The following TGFA variants were observed in gnomAD, a reference collection of about 807,000 sequenced individuals.
TGFA encodes the protein transforming growth factor alpha.
Under a neutral mutation model 21.7 loss-of-function variants are expected in TGFA, and 12 were observed. That is an observed-to-expected ratio of 0.55 (90% CI 0.35 to 0.90). The LOEUF is 0.90. Ranked by LOEUF, TGFA falls within the 40% of genes least tolerant of loss-of-function variation. The pLI is 0.01. For missense variants in TGFA, 178 were observed against 210.8 expected, an observed-to-expected ratio of 0.84 and a Z score of 0.96; for synonymous variants, 79 against 88.1, an observed-to-expected ratio of 0.90 and a Z score of 0.58.
chr2:70,504,450 A>ACATATATATG (rs1559123953), intron 2 of TGFA, among the ~76,000 whole-genome samples: 2 of 72,000 alleles, frequency 2.8e-5, no homozygotes, highest in African/African-American at 2.0e-4. Context: ...ATATATATAT[A>ACATATATATG]TATATATATA....
intron 3 of TGFA, among the ~76,000 whole-genome samples, chr2:70,458,633 T>C (rs1393544414): frequency 6.6e-6 from 1 of 152,196 alleles, no homozygotes; most frequent in East Asian, 1.9e-4. Flanking sequence ...CCACCTGGAA[T>C]ATCATTCCTC....
At chr2:70,500,157 G>C (rs1406968104) in intron 2 of TGFA, among the ~76,000 whole-genome samples, 2 of 152,188 alleles carry the variant, frequency 1.3e-5, no homozygotes, top group African/African-American at 4.8e-5. Flanking sequence ...CTCCACAGCT[G>C]CATGTGGCTG....
intron 2 of TGFA, among the ~76,000 whole-genome samples, chr2:70,482,137 T>C (rs895118381): frequency 6.6e-6 from 1 of 151,882 alleles, no homozygotes; most frequent in Non-Finnish European, 1.5e-5. Context: ...GTGCCTTTCT[T>C]AAAATAGTCT....
At chr2:70,482,231 T>C (rs773621129) in intron 2 of TGFA, among the ~76,000 whole-genome samples, 1 of 152,216 alleles carries the variant, frequency 6.6e-6, no homozygotes, top group Admixed American at 6.5e-5. Context: ...AACAGTTTTA[T>C]ACGTACTACC....
At chr2:70,544,335 T>C (rs1673227274) in intron 1 of TGFA, among the ~76,000 whole-genome samples, 1 of 151,678 alleles carries the variant, frequency 6.6e-6, no homozygotes, top group Non-Finnish European at 1.5e-5. Context: ...TAAAATAAGA[T>C]ATTTAATAAG....
chr2:70,482,904 C>T (rs1210346515), intron 2 of TGFA, among the ~76,000 whole-genome samples: 1 of 152,128 alleles, frequency 6.6e-6, no homozygotes, highest in Non-Finnish European at 1.5e-5. Flanking sequence ...TAGGTCAATG[C>T]GAATACATCA....
At chr2:70,477,430 GAA>G (rs1200285775) in intron 2 of TGFA, among the ~76,000 whole-genome samples, 3 of 152,040 alleles carry the variant, frequency 2.0e-5, no homozygotes, top group Non-Finnish European at 4.4e-5. Context: ...TCTTTTAATT[GAA>G]AGAGTTCAGC....
rs375748564 is a variant in TGFA, at chr2:70,498,462, A to G, written c.94+16397T>C. ...TTCAGATTAACAGAGAGTAAGGGCA[A>G]CGGGGCTTGGGCTAAGGGTTTTGGA... On this transcript the variant is annotated intron_variant, in intron 2 of 5. Transcript: ENST00000295400. Among the ~76,000 whole-genome samples, 6 of 152,320 alleles carry G rather than the reference A, an allele frequency of 3.9e-5. No homozygotes were observed. In the East Asian group the frequency reaches 5.8e-4, roughly 15 times the overall value.
At chr2:70,476,102 A>AAAT (rs1670923251) in intron 2 of TGFA, among the ~76,000 whole-genome samples, 1 of 150,958 alleles carries the variant, frequency 6.6e-6, no homozygotes, top group African/African-American at 2.4e-5. Flanking sequence ...AAAAAAAAAA[A>AAAT]AAAAATTAAG....
chr2:70,479,245 A>T (rs541644510), intron 2 of TGFA, among the ~76,000 whole-genome samples: 59 of 152,344 alleles, frequency 3.9e-4, no homozygotes, highest in Non-Finnish European at 7.1e-4. Flanking sequence ...GGCATGTGAA[A>T]AGTATATCCA....
chr2:70,450,598 G>C lies in TGFA; in HGVS notation c.*261C>G. ...GCACACACCTCACCTAGGTGAACAG[G>C]AGTCCGTCTCTTTGCAGTTCTTTTT... On this transcript the variant is annotated 3_prime_UTR_variant, in exon 6 of 6. Coordinates refer to ENST00000295400, the MANE Select transcript of TGFA (RefSeq NM_003236.4). 2.0e-6 allele frequency: 1 copy of C among 504,176 alleles called. No homozygotes were observed. Among genetic ancestry groups the C allele is most frequent in the Admixed American group, 3.2e-5 (1 of 31,696 alleles). The allele number at this position is 504,176 out of a possible 1,614,324, so 31.2% of individuals were successfully genotyped here. A position where few individuals can be genotyped will look rare whatever the true frequency, so the allele number is the denominator to read the frequency against.
Position 70,447,941 on chromosome 2 carries a change from T to A in TGFA, c.*2918A>T, listed in dbSNP as rs1200768099. 1 of 152,258 alleles carries A rather than the reference T, an allele frequency of 6.6e-6. No homozygotes were observed. The highest frequency in any genetic ancestry group is 2.4e-5 in the African/African-American group (1 of 41,454). The allele number at this position is 152,258 out of a possible 1,614,324, so 9.4% of individuals were successfully genotyped here. ...GGTGACCCATGTGCCCTCGAAAACC[T>A]GGCTTGAAGATAACAGGCAGTTTTC... On this transcript the variant is annotated 3_prime_UTR_variant, in exon 6 of 6. Coordinates refer to ENST00000295400, the MANE Select transcript of TGFA (RefSeq NM_003236.4).
chr2:70,527,800 G>T (rs1553503132), intron 1 of TGFA, among the ~76,000 whole-genome samples: 1 of 152,160 alleles, frequency 6.6e-6, no homozygotes, highest in East Asian at 1.9e-4. Flanking sequence ...TCTATTACCA[G>T]CTGATGACAG....
rs1413083165 is a variant in TGFA at position 70,449,788 on chromosome 2, C to G, written c.*1071G>C. ...CTTTCATGGATTTGGCCTGAAATGC[C>G]TATGGCTCGTGGCTAATGTTCTATT... is the stretch of plus-strand genomic sequence containing the variant. On this transcript the variant is annotated 3_prime_UTR_variant, in exon 6 of 6. Coordinates refer to ENST00000295400, the MANE Select transcript of TGFA (RefSeq NM_003236.4). The G allele has an allele frequency of 5.2e-6, 1 of 193,768 alleles. No individual in the cohort carries two copies. The highest frequency in any genetic ancestry group is 1.1e-5 in the Non-Finnish European group (1 of 91,112). The allele number at this position is 193,768 out of a possible 1,614,324, so 12.0% of individuals were successfully genotyped here.
chr2:70,537,312 G>C (rs567650132), intron 1 of TGFA, among the ~76,000 whole-genome samples: 1 of 152,056 alleles, frequency 6.6e-6, no homozygotes, highest in African/African-American at 2.4e-5. Context: ...ATTAAAACTA[G>C]GCCAATCAAT....
At chr2:70,511,467 C>T (rs1298691691) in intron 2 of TGFA, among the ~76,000 whole-genome samples, 1 of 152,128 alleles carries the variant, frequency 6.6e-6, no homozygotes, top group African/African-American at 2.4e-5. Flanking sequence ...AAACAGTGTT[C>T]ACCTGAAAAG....
chr2:70,553,108 G>T, intron 1 of TGFA: 1 of 1,479,942 alleles, frequency 6.8e-7, no homozygotes, highest in South Asian at 1.2e-5. Context: ...TCCTGCCCTC[G>T]GCGGACACCG....
rs1553490580 is a variant in TGFA, at chr2:70,456,493, G to A, written c.216-5C>T. On this transcript the variant is annotated splice_polypyrimidine_tract_variant and splice_region_variant and intron_variant, in intron 3 of 5. Transcript: ENST00000295400. The stretch of plus-strand genomic sequence containing the variant: ...CCAACGTACCCAGAATGGCAGCTGG[G>A]GAAGAAAGGAACGTCAGTGCACTCT... 6.2e-7 allele frequency: 1 copy of A among 1,601,798 alleles called. No individual in the cohort carries two copies. Among genetic ancestry groups the A allele is most frequent in the African/African-American group, 1.3e-5 (1 of 74,586 alleles).
chr2:70,509,251 G>C (rs1672021119), intron 2 of TGFA, among the ~76,000 whole-genome samples: 1 of 152,190 alleles, frequency 6.6e-6, no homozygotes. Flanking sequence ...ATGGAACGGG[G>C]AAGCAGTTTG....
Sources: gnomAD v4.1 joint callset for allele counts (sites outside exome capture counted in the v4.1 genomes callset) on GRCh38, gnomAD v4.1.1 for gene constraint, MANE v1.5 for transcripts, NCBI Gene and HGNC (gene_info 2026-07-23, HGNC 2026-07-21) for gene names.